The following SERINC1 variants were observed in gnomAD, a reference collection of about 807,000 sequenced individuals.
SERINC1 encodes serine incorporator 1, also known as tumor differentially expressed protein 2.
In SERINC1, 38 loss-of-function variants were observed where a neutral mutation model predicts 52.9. That is an observed-to-expected ratio of 0.72 (90% CI 0.55 to 0.94). The LOEUF is 0.94. Among genes scored for constraint, SERINC1 ranks in the 40% least tolerant of loss-of-function variants. SERINC1 has a pLI of 0.00. For missense variants in SERINC1, 471 were observed against 533.9 expected (o/e 0.88, Z 1.16); for synonymous variants, 198 against 183.1 (o/e 1.08, Z -0.66).
In SERINC1 at chr6:122,456,622, C is replaced by A. The variant is rs761812998; in HGVS notation, c.230G>T (p.Gly77Val). 6.2e-7 allele frequency: 1 copy of A among 1,600,604 alleles called. No individual in the cohort carries two copies. The highest frequency in any genetic ancestry group is 8.5e-7 in the Non-Finnish European group (1 of 1,175,744). ...KIPGFCENEK[G>V]VVPCNILVGY... ...AACCAAAATGTTACAAGGGACAACA[C>A]CTTTCTCATTCTCACAAAATCCAGG... The change falls in exon 3 of 10, where the codon GGT becomes GTT. Residue 77 changes from glycine (G) to valine (V), a missense_variant. Transcript: ENST00000339697.
At chr6:122,453,152 T>TA (rs1774940229) in intron 5 of SERINC1, among the ~76,000 whole-genome samples, 1 of 152,198 alleles carries the variant, frequency 6.6e-6, no homozygotes. Flanking sequence ...CTTATGCACT[T>TA]AAACTCTGTC....
intron 1 of SERINC1, among the ~76,000 whole-genome samples, chr6:122,466,584 T>C (rs1446253575): frequency 6.6e-6 from 1 of 152,184 alleles, no homozygotes; most frequent in Non-Finnish European, 1.5e-5. Context: ...TCTGCCTACC[T>C]TGGCCTCCCA....
intron 7 of SERINC1, among the ~76,000 whole-genome samples, chr6:122,450,132 A>C (rs1054443640): frequency 1.3e-5 from 2 of 152,276 alleles, no homozygotes; most frequent in East Asian, 3.8e-4. Context: ...GCTATAGAGA[A>C]GTCAGTCAAT....
At chr6:122,450,357 T>C (rs923088212) in intron 7 of SERINC1, among the ~76,000 whole-genome samples, 3 of 152,202 alleles carry the variant, frequency 2.0e-5, no homozygotes, top group Admixed American at 6.5e-5. Flanking sequence ...TTTAAGCCCA[T>C]TGTTGGGACT....
intron 7 of SERINC1, among the ~76,000 whole-genome samples, chr6:122,450,158 T>C (rs1042267036): frequency 8.5e-5 from 13 of 152,222 alleles, no homozygotes; most frequent in Admixed American, 2.0e-4. Context: ...GCTTCAAAGC[T>C]TAAAAGGACA....
At chr6:122,460,502 C>T (rs1775083091) in intron 1 of SERINC1, among the ~76,000 whole-genome samples, 3 of 152,152 alleles carry the variant, frequency 2.0e-5, no homozygotes, top group Admixed American at 1.3e-4. Context: ...GCAATTAATA[C>T]TGGAGAAAAA....
chr6:122,454,925 C>A (rs1774971475), intron 3 of SERINC1, among the ~76,000 whole-genome samples: 1 of 152,190 alleles, frequency 6.6e-6, no homozygotes, highest in Non-Finnish European at 1.5e-5. Flanking sequence ...TATACTTGTA[C>A]TAAGAAAATA....
chr6:122,449,404 T>C (rs779868566), intron 7 of SERINC1, among the ~76,000 whole-genome samples: 1 of 152,182 alleles, frequency 6.6e-6, no homozygotes, highest in Non-Finnish European at 1.5e-5. Context: ...ACACAAATGA[T>C]AGATAAGAAA....
At chr6:122,451,776 A>AAAAAATTATATATATATATATATATAT in intron 6 of SERINC1, 22 bp from the exon 7 acceptor site, 1 of 95,494 alleles carries the variant, frequency 1.0e-5, no homozygotes, top group African/African-American at 7.7e-5. Flanking sequence ...AAAAAAAAAA[A>AAAAAATTATATATATATATATATATAT]ATATATATAT....
At chr6:122,464,191 G>A (rs1343846569) in intron 1 of SERINC1, among the ~76,000 whole-genome samples, 2 of 152,180 alleles carry the variant, frequency 1.3e-5, no homozygotes, top group East Asian at 1.9e-4. Context: ...ACGGTTACAC[G>A]ACTAGAGATG....
Position 122,471,715 on chromosome 6 carries a change from C to T in SERINC1, c.23G>A (p.Cys8Tyr), listed in dbSNP as rs753390326. 2.5e-6 allele frequency: 4 copies of T among 1,614,202 alleles called. No individual in the cohort carries two copies. The highest frequency in any genetic ancestry group is 3.4e-6 in the Non-Finnish European group (4 of 1,180,010). The change falls in exon 1 of 10, where the codon TGC becomes TAC. Residue 8 changes from cysteine (C) to tyrosine (Y), a missense_variant. Cys to Tyr is a radical substitution (Grantham distance 194). Coordinates refer to ENST00000339697, the MANE Select transcript of SERINC1 (RefSeq NM_020755.4). ...GCACCTTACCCAGCTCGCCATGGAGCACAGCCCCAGGACGCTCCCCATCTC... is the reference window on the plus strand; with the variant it reads ...GCACCTTACCCAGCTCGCCATGGAGTACAGCCCCAGGACGCTCCCCATCTC... MGSVLGLCSMASWIPCLC... is the reference protein window; with the variant it reads MGSVLGLYSMASWIPCLC...
chr6:122,445,140 A>C lies in SERINC1; in HGVS notation c.1266T>G (p.Ala422=). Residue 422 remains alanine (A), a synonymous_variant, in exon 10 of 10, where the codon GCT becomes GCG. Coordinates refer to ENST00000339697, the MANE Select transcript of SERINC1 (RefSeq NM_020755.4). ...AACTGGAAGAGATTTTCACCCAGAC[A>C]GCTGTCCACTGACTTTTCATCTCAC... ...PSREMKSQWT[A]VWVKISSSWI... 3 of 1,614,136 alleles carry C rather than the reference A, an allele frequency of 1.9e-6. No individual in the cohort carries two copies. Among genetic ancestry groups the C allele is most frequent in the Non-Finnish European group, 2.5e-6 (3 of 1,179,968 alleles).
chr6:122,445,301 A>G (rs1457176672), intron 9 of SERINC1, 122 bp from the exon 10 acceptor site: 1 of 911,586 alleles, frequency 1.1e-6, no homozygotes, highest in Non-Finnish European at 1.6e-6. Context: ...CAGATATATC[A>G]TTGCTGCATC....
At position 122,446,572 on chromosome 6, in the gene SERINC1, G is replaced by A. The variant is rs117713309; in HGVS notation, c.1226+202C>T. 6.9e-3 allele frequency among the ~76,000 whole-genome samples: 1,053 copies of A among 152,158 alleles called. 10 individuals carry two copies. Among genetic ancestry groups the A allele is most frequent in the Non-Finnish European group, 0.01 (703 of 68,006 alleles). On this transcript the variant is annotated intron_variant, in intron 9 of 9. Transcript: ENST00000339697. Reference sequence around the variant, plus strand: ...TTTATTTTAATCTCTCCAAGATTTGGAACTATTTCAATGTTTGTGTTACTG... The same window carrying A: ...TTTATTTTAATCTCTCCAAGATTTGAAACTATTTCAATGTTTGTGTTACTG...
chr6:122,470,882 T>C (rs549371900), intron 1 of SERINC1, among the ~76,000 whole-genome samples: 3 of 151,946 alleles, frequency 2.0e-5, no homozygotes, highest in Non-Finnish European at 4.4e-5. Flanking sequence ...GGGGCAGAGA[T>C]TATCTTAAAT....
At chr6:122,461,057 AC>A (rs1316537692) in intron 1 of SERINC1, among the ~76,000 whole-genome samples, 1 of 152,192 alleles carries the variant, frequency 6.6e-6, no homozygotes, top group Non-Finnish European at 1.5e-5. Context: ...TTGTGAGACA[AC>A]TTTAAATAGC....
At chr6:122,464,160 T>A (rs1166893785) in intron 1 of SERINC1, among the ~76,000 whole-genome samples, 1 of 152,156 alleles carries the variant, frequency 6.6e-6, no homozygotes, top group Non-Finnish European at 1.5e-5. Context: ...TGCAATTTTT[T>A]AGGATGATCG....
At chr6:122,452,158 A>C (rs960442471) in intron 5 of SERINC1, 101 bp from the exon 6 acceptor site, 1 of 756,926 alleles carries the variant, frequency 1.3e-6, no homozygotes, top group East Asian at 3.4e-5. Context: ...TTGTCAAAAA[A>C]TATATTTTAA....
chr6:122,463,143 G>A (rs1458288662), intron 1 of SERINC1, among the ~76,000 whole-genome samples: 1 of 152,148 alleles, frequency 6.6e-6, no homozygotes, highest in Non-Finnish European at 1.5e-5. Flanking sequence ...TTCAGAAATA[G>A]ATTCATGCAA....
Sources: allele counts gnomAD v4.1 joint callset (sites outside exome capture counted in the v4.1 genomes callset), GRCh38; gene constraint gnomAD v4.1.1; transcripts MANE v1.5; gene names NCBI Gene and HGNC (gene_info 2026-07-23, HGNC 2026-07-21).